The following BMP7 variants were observed in gnomAD, a reference collection of about 807,000 sequenced individuals.
The protein encoded by BMP7 is osteogenic protein 1.
Under a neutral mutation model 41.2 loss-of-function variants are expected in BMP7, and 12 were observed. The observed-to-expected ratio is 0.29, with a 90% CI of 0.19 to 0.47. The LOEUF (loss-of-function observed/expected upper bound fraction) is 0.47. Ranked by LOEUF, BMP7 falls within the 20% of genes least tolerant of loss-of-function variation. BMP7 has a pLI of 0.99. For missense variants in BMP7, 467 were observed against 606.0 expected, an observed-to-expected ratio of 0.77 and a Z score of 2.41; for synonymous variants, 248 against 250.0, an observed-to-expected ratio of 0.99 and a Z score of 0.07.
chr20:57,211,756 A>T (rs144085907), intron 2 of BMP7, among the ~76,000 whole-genome samples: 50 of 152,262 alleles, frequency 3.3e-4, no homozygotes, highest in African/African-American at 1.1e-3. Context: ...GAGCCAAGAA[A>T]GGGGGCTCTG....
Position 57,228,248 on chromosome 20 carries a change from G to A in BMP7, c.592C>T (p.Leu198Phe), listed in dbSNP as rs781505768. 29 of 1,613,640 alleles carry A rather than the reference G, an allele frequency of 1.8e-5. No individual in the cohort carries two copies. Among genetic ancestry groups the A allele is most frequent in the East Asian group, 2.2e-5 (1 of 44,896 alleles). Reference sequence around the variant, plus strand: ...ACCCACCTGCCCAAGTGCTCCTGGAGCACCTGATAAACGCTGATCCGGAAC... The same window carrying A: ...ACCCACCTGCCCAAGTGCTCCTGGAACACCTGATAAACGCTGATCCGGAAC... ...ETFRISVYQV[L>F]QEHLGRESDL... The change falls in exon 2 of 7, where the codon CTC becomes TTC. Residue 198 changes from leucine to phenylalanine, a missense_variant. By Grantham distance (22) the Leu-to-Phe change is conservative. Transcript: ENST00000395863. This position sits in a 1 kb window ranked among gnomAD's most constrained non-coding sequence, Gnocchi z 4.5.
Position 57,266,199 on chromosome 20 carries a change from C to T in BMP7, c.-77G>A. 7.4e-7 allele frequency: 1 copy of T among 1,352,130 alleles called. No individual in the cohort carries two copies. The highest frequency in any genetic ancestry group is 9.5e-7 in the Non-Finnish European group (1 of 1,051,320). The allele number at this position is 1,352,130 out of a possible 1,614,324, so 83.8% of individuals were successfully genotyped here. A position where few individuals can be genotyped will look rare whatever the true frequency, so the allele number is the denominator to read the frequency against. The stretch of plus-strand genomic sequence containing the variant: ...CCAGGTGGCAGAGGGGGCAGGCGGC[C>T]GTCCGCGCCGCTCGGTCACTTGCTG... On this transcript the variant is annotated 5_prime_UTR_variant, in exon 1 of 7. Transcript: ENST00000395863.
At chr20:57,191,256 G>T (rs1027031723) in intron 3 of BMP7, among the ~76,000 whole-genome samples, 1 of 152,164 alleles carries the variant, frequency 6.6e-6, no homozygotes, top group African/African-American at 2.4e-5. Flanking sequence ...TCATGCCTCG[G>T]GTACTGAGCC....
chr20:57,231,772 C>T (rs1049929610), intron 1 of BMP7, among the ~76,000 whole-genome samples: 3 of 152,234 alleles, frequency 2.0e-5, no homozygotes, highest in African/African-American at 4.8e-5. Context: ...AACCTCAGTT[C>T]CCTGCTCCCA....
intron 3 of BMP7, among the ~76,000 whole-genome samples, chr20:57,192,597 G>A (rs937524944): frequency 1.3e-5 from 2 of 151,824 alleles, no homozygotes; most frequent in African/African-American, 4.8e-5. Flanking sequence ...GCATAGGGGC[G>A]AGGTGAGTGA....
At chr20:57,195,432 C>G (rs1051955086) in intron 3 of BMP7, among the ~76,000 whole-genome samples, 1 of 152,214 alleles carries the variant, frequency 6.6e-6, no homozygotes, top group African/African-American at 2.4e-5. Flanking sequence ...TGCCTGGCCC[C>G]AATTACCCAA....
chr20:57,222,178 C>T (rs1390899645), intron 2 of BMP7, among the ~76,000 whole-genome samples: 2 of 152,170 alleles, frequency 1.3e-5, no homozygotes, highest in Non-Finnish European at 2.9e-5. Flanking sequence ...AGCCCCCGCC[C>T]GCCGCAAACA....
chr20:57,207,839 T>G (rs1280115755), intron 2 of BMP7, among the ~76,000 whole-genome samples: 1 of 85,032 alleles, frequency 1.2e-5, no homozygotes. Context: ...TTTTTTTTTT[T>G]TGAGACGGAG....
intron 1 of BMP7, among the ~76,000 whole-genome samples, chr20:57,230,410 C>T (rs140199710): frequency 0.027 from 4,127 of 152,114 alleles, 77 homozygotes; most frequent in Non-Finnish European, 0.041. Context: ...GGACTGCCCC[C>T]GGCCAGTCCT....
At chr20:57,206,583 G>A (rs925124815) in intron 2 of BMP7, among the ~76,000 whole-genome samples, 1 of 152,204 alleles carries the variant, frequency 6.6e-6, no homozygotes. Flanking sequence ...GTGTGGGGCA[G>A]AGAAAATACT....
intron 2 of BMP7, among the ~76,000 whole-genome samples, chr20:57,206,472 C>T (rs932964161): frequency 6.6e-6 from 1 of 152,142 alleles, no homozygotes; most frequent in Non-Finnish European, 1.5e-5. Context: ...GACTCAAGAG[C>T]CTGAGCGCTT....
chr20:57,208,365 C>T (rs563494471), intron 2 of BMP7, among the ~76,000 whole-genome samples: 6 of 152,100 alleles, frequency 3.9e-5, no homozygotes, highest in Non-Finnish European at 7.4e-5. Context: ...ATTAGGGAAA[C>T]GCAAATTGAA....
intron 2 of BMP7, among the ~76,000 whole-genome samples, chr20:57,205,879 G>A (rs764133604): frequency 1.4e-4 from 22 of 152,298 alleles, no homozygotes; most frequent in Middle Eastern, 3.4e-3. Context: ...TTTGCAATTT[G>A]TCCCAGGCAC....
At chr20:57,241,678 C>T (rs4361186) in intron 1 of BMP7, among the ~76,000 whole-genome samples, 14,595 of 152,178 alleles carry the variant, frequency 0.096, 2,309 homozygotes, top group African/African-American at 0.33. Flanking sequence ...GACCTGGAGG[C>T]GAGACCACAG....
At chr20:57,200,405 A>G (rs903695129) in intron 3 of BMP7, among the ~76,000 whole-genome samples, 1 of 152,182 alleles carries the variant, frequency 6.6e-6, no homozygotes, top group Non-Finnish European at 1.5e-5. Flanking sequence ...CATAACCTGG[A>G]CAATGGGGGA....
rs140073062 is a variant in BMP7, at chr20:57,187,554, C to CCTCTCTCTCTCTCT, written c.761-3649_761-3636dup. 5.0e-4 allele frequency among the ~76,000 whole-genome samples: 72 copies of CCTCTCTCTCTCTCT among 144,104 alleles called. 1 individual carries two copies. The highest frequency in any genetic ancestry group is 1.7e-3 in the African/African-American group (66 of 38,652). The allele number at this position is 144,104 out of a possible 152,430, so 94.5% of individuals were successfully genotyped here. A position where few individuals can be genotyped will look rare whatever the true frequency, so the allele number is the denominator to read the frequency against. ...CTCTAGTGTCCAGAAGGAAGCCTGC[C>CCTCTCTCTCTCTCT]CTCTCTCTCTCTCTCTCTCTCTCTC... On this transcript the variant is annotated intron_variant, in intron 3 of 6. Transcript: ENST00000395863.
intron 1 of BMP7, among the ~76,000 whole-genome samples, chr20:57,230,073 G>C (rs112344346): frequency 2.0e-4 from 31 of 152,278 alleles, no homozygotes; most frequent in African/African-American, 7.2e-4. Flanking sequence ...GATGACCTTT[G>C]AACCACAGCT....
At position 57,266,331 on chromosome 20, in the gene BMP7, C is replaced by T. The variant is rs2066178831; in HGVS notation, c.-209G>A. 4 of 317,316 alleles carry T rather than the reference C, an allele frequency of 1.3e-5. No homozygotes were observed. Among genetic ancestry groups the T allele is most frequent in the Non-Finnish European group, 1.6e-5 (3 of 183,636 alleles). 19.7% of individuals were successfully genotyped at this position (317,316 alleles called of 1,614,324 possible). A position where few individuals can be genotyped will look rare whatever the true frequency, so the allele number is the denominator to read the frequency against. ...GGTGCTGGCCCCGGGCCCCTCGCCC[C>T]GCACTCGCCCGGGCGCACCGCAGGG... is the stretch of plus-strand genomic sequence containing the variant. On this transcript the variant is annotated 5_prime_UTR_variant, in exon 1 of 7. Transcript: ENST00000395863.
chr20:57,243,251 G>A (rs1292918924), intron 1 of BMP7, among the ~76,000 whole-genome samples: 2 of 152,244 alleles, frequency 1.3e-5, no homozygotes, highest in East Asian at 3.9e-4. Flanking sequence ...TTGGGAGGTC[G>A]AGGCAGGTGT....
Sources: gnomAD v4.1 joint callset for allele counts (sites outside exome capture counted in the v4.1 genomes callset) on GRCh38, gnomAD v4.1.1 for gene constraint, Gnocchi (gnomAD v3.1) non-coding constraint, MANE v1.5 for transcripts, NCBI Gene and HGNC (gene_info 2026-07-23, HGNC 2026-07-21) for gene names.